Variants in CEMIP observed in about 807,000 individuals in gnomAD.
CEMIP encodes the protein cell migration inducing hyaluronidase 1, also known as cell migration-inducing and hyaluronan-binding protein.
CEMIP carries 105 observed loss-of-function variants against 156.9 expected under a neutral mutation model. That is an observed-to-expected ratio of 0.67 (90% CI 0.57 to 0.79). The LOEUF (loss-of-function observed/expected upper bound fraction) is 0.79. CEMIP is among the 30% of genes least tolerant of loss of function. The probability of loss-of-function intolerance (pLI) is 0.00; values close to 1 mark genes in which losing one functional copy is unlikely to be tolerated. For synonymous variants in CEMIP, 676 were observed against 668.4 expected, an observed-to-expected ratio of 1.01 and a Z score of -0.17; for missense variants, 1,457 against 1,769.4, an observed-to-expected ratio of 0.82 and a Z score of 3.17.
chr15:80,858,344 G>A (rs1276124871), intron 1 of CEMIP, among the ~76,000 whole-genome samples: 1 of 152,178 alleles, frequency 6.6e-6, no homozygotes, highest in Admixed American at 6.5e-5. Context: ...AGGAAAATAA[G>A]TATTCTTTTC....
At chr15:80,785,404 A>G (rs1895905367) in intron 1 of CEMIP, among the ~76,000 whole-genome samples, 1 of 152,250 alleles carries the variant, frequency 6.6e-6, no homozygotes, top group African/African-American at 2.4e-5. Context: ...TGGGTAGCCC[A>G]AGATGCTGGT....
chr15:80,942,886 CAGG>C, intron 27 of CEMIP, 56 bp from the exon 28 acceptor site: 1 of 1,604,570 alleles, frequency 6.2e-7, no homozygotes, highest in Non-Finnish European at 8.5e-7. Context: ...ACCACCTGGG[CAGG>C]AGAACCATGG....
At chr15:80,929,208 G>A (rs1596199826) in intron 21 of CEMIP, 34 bp downstream of exon 21, 1 of 1,614,004 alleles carries the variant, frequency 6.2e-7, no homozygotes, top group South Asian at 1.1e-5. Context: ...CTTATTCTGA[G>A]TGGCTTAACC....
At chr15:80,947,280 A>C in intron 29 of CEMIP, 1 of 521,408 alleles carries the variant, frequency 1.9e-6, no homozygotes, top group Non-Finnish European at 3.5e-6. Flanking sequence ...ATTTATTATA[A>C]CTTGCCACCA....
At chr15:80,887,489 G>A (rs1171735198) in intron 7 of CEMIP, among the ~76,000 whole-genome samples, 1 of 152,142 alleles carries the variant, frequency 6.6e-6, no homozygotes, top group Non-Finnish European at 1.5e-5. Context: ...AGGCCAGGGA[G>A]CGAGAAAGCC....
intron 21 of CEMIP, among the ~76,000 whole-genome samples, chr15:80,930,517 G>T (rs958177665): frequency 3.3e-5 from 5 of 152,226 alleles, no homozygotes; most frequent in Admixed American, 3.3e-4. Context: ...GTCAGGGTCT[G>T]AAGTGCAAAA....
chr15:80,877,146 T>C (rs143331145), intron 3 of CEMIP, among the ~76,000 whole-genome samples: 2 of 152,284 alleles, frequency 1.3e-5, no homozygotes, highest in East Asian at 1.9e-4. Flanking sequence ...ACCCCCATGA[T>C]TCAATTATAT....
rs527683372 is a variant in CEMIP at position 80,950,447 on chromosome 15, C to T, written c.*1523C>T. On this transcript the variant is annotated 3_prime_UTR_variant, in exon 30 of 30. Transcript: ENST00000394685. ...ATGACAGCTAGCAGATCTCTTCCCT[C>T]CTGCTCCCAGCGCACACAAACCCGC... The T allele has an allele frequency of 1.3e-5, 2 of 152,400 alleles. No homozygotes were observed. Among genetic ancestry groups the T allele is most frequent in the East Asian group, 3.9e-4 (2 of 5,172 alleles). The allele number at this position is 152,400 out of a possible 1,614,324, so 9.4% of individuals were successfully genotyped here.
At chr15:80,882,801 T>C (rs1456549806) in intron 6 of CEMIP, among the ~76,000 whole-genome samples, 1 of 151,712 alleles carries the variant, frequency 6.6e-6, no homozygotes. Flanking sequence ...CACAAGTAAA[T>C]GCAGGCAAAA....
chr15:80,928,627 CCA>C (rs750258975), intron 19 of CEMIP, among the ~76,000 whole-genome samples: 1 of 152,130 alleles, frequency 6.6e-6, no homozygotes, highest in African/African-American at 2.4e-5. Flanking sequence ...CATATGGACC[CCA>C]GTCTGCATGC....
Position 80,825,260 on chromosome 15 carries a change from G to A in CEMIP, c.-176+45646G>A, listed in dbSNP as rs559730303. Among the ~76,000 whole-genome samples, 20 of 152,306 alleles carry A rather than the reference G, an allele frequency of 1.3e-4. No individual in the cohort carries two copies. The South Asian group carries it at 3.1e-3, about 24-fold the overall frequency. ...AGTGTGTGTGTGTGTGTGTGCATGT[G>A]TGCGTAAAACTTCATTTAATAACTC... On this transcript the variant is annotated intron_variant, in intron 1 of 29. Transcript: ENST00000394685.
Position 80,932,009 on chromosome 15 carries a change from C to G in CEMIP, c.2763C>G (p.Asn921Lys). The G allele has an allele frequency of 6.2e-7, 1 of 1,614,082 alleles. No homozygotes were observed. Among genetic ancestry groups the G allele is most frequent in the African/African-American group, 1.3e-5 (1 of 75,050 alleles). ...CCTGGCAGAGCTGCCCCCATAACAA[C>G]GTGACCGGCATTGCCTTTGAGGACG... ...NNAWQSCPHNNVTGIAFEDVP... is the reference protein window; with the variant it reads ...NNAWQSCPHNKVTGIAFEDVP... The change falls in exon 22 of 30, where the codon AAC (asparagine) becomes AAG (lysine). Residue 921 changes from asparagine (N) to lysine (K), a missense_variant. Coordinates refer to ENST00000394685, the MANE Select transcript of CEMIP (RefSeq NM_001293298.2). This position sits in a 1 kb window ranked among gnomAD's most constrained non-coding sequence, Gnocchi z 4.5.
At chr15:80,810,560 G>A (rs182217157) in intron 1 of CEMIP, among the ~76,000 whole-genome samples, 47 of 152,244 alleles carry the variant, frequency 3.1e-4, no homozygotes, top group Admixed American at 8.5e-4. Flanking sequence ...GTAGAGATGG[G>A]CTTTCACCGT....
intron 12 of CEMIP, among the ~76,000 whole-genome samples, chr15:80,902,875 T>C (rs930366909): frequency 1.3e-5 from 2 of 152,216 alleles, no homozygotes; most frequent in African/African-American, 4.8e-5. Context: ...TCCTACCATA[T>C]GCCAGGGGCT....
intron 14 of CEMIP, chr15:80,909,580 A>T (rs1223840480): frequency 3.8e-6 from 2 of 528,844 alleles, no homozygotes; most frequent in African/African-American, 3.8e-5. Context: ...CTTCATTGGC[A>T]TCACATGAAA....
At chr15:80,780,648 TG>T (rs992643036) in intron 1 of CEMIP, among the ~76,000 whole-genome samples, 1 of 152,212 alleles carries the variant, frequency 6.6e-6, no homozygotes, top group African/African-American at 2.4e-5. Context: ...TGTGAGCCAG[TG>T]CCTGGCTGCA....
chr15:80,910,369 C>T (rs1194143631), intron 14 of CEMIP, among the ~76,000 whole-genome samples: 1 of 152,192 alleles, frequency 6.6e-6, no homozygotes, highest in Non-Finnish European at 1.5e-5. Flanking sequence ...TGTAAAACCC[C>T]AGGCCGGTGC....
intron 12 of CEMIP, among the ~76,000 whole-genome samples, chr15:80,899,111 G>A (rs557741039): frequency 6.6e-6 from 1 of 152,034 alleles, no homozygotes; most frequent in South Asian, 2.1e-4. Flanking sequence ...TACTCAGGAG[G>A]CTGAGGCAGG....
chr15:80,929,263 C>A, intron 21 of CEMIP, 89 bp downstream of exon 21: 1 of 1,470,776 alleles, frequency 6.8e-7, no homozygotes, highest in Non-Finnish European at 9.5e-7. Flanking sequence ...GTAGTTTCTA[C>A]CTGTTGACTA....
Sources: gnomAD v4.1 joint callset for allele counts (sites outside exome capture counted in the v4.1 genomes callset) on GRCh38, gnomAD v4.1.1 for gene constraint, Gnocchi (gnomAD v3.1) non-coding constraint, MANE v1.5 for transcripts, NCBI Gene and HGNC (gene_info 2026-07-23, HGNC 2026-07-21) for gene names.